Variants in CLEC12A observed in about 807,000 individuals in gnomAD.
CLEC12A encodes the protein C-type lectin domain family 12 member A, also known as C-type lectin protein CLL-1.
Under a neutral mutation model 26.5 loss-of-function variants are expected in CLEC12A, and 22 were observed. The ratio of observed to expected loss-of-function variants is 0.83; its 90% CI spans 0.59 to 1.19. CLEC12A has a LOEUF of 1.19. CLEC12A is among the 50% of genes most tolerant of loss of function. The probability of loss-of-function intolerance (pLI) is 0.00; values close to 1 mark genes in which losing one functional copy is unlikely to be tolerated. For missense variants in CLEC12A, 353 were observed against 315.6 expected (o/e 1.12, Z -0.90); for synonymous variants, 119 against 101.9 (o/e 1.17, Z -1.01).
chr12:9,974,658 T>G (rs1565556073), intron 1 of CLEC12A, among the ~76,000 whole-genome samples: 1 of 152,224 alleles, frequency 6.6e-6, no homozygotes, highest in Non-Finnish European at 1.5e-5. Context: ...AATTGCATTA[T>G]AAATATTAAA....
chr12:9,976,239 C>G (rs1053443549), intron 1 of CLEC12A, among the ~76,000 whole-genome samples: 1 of 152,192 alleles, frequency 6.6e-6, no homozygotes, highest in African/African-American at 2.4e-5. Flanking sequence ...GATCCACTGA[C>G]AGCATGCACT....
intron 1 of CLEC12A, among the ~76,000 whole-genome samples, chr12:9,952,390 C>G (rs1375664194): frequency 9.9e-5 from 15 of 150,792 alleles, no homozygotes; most frequent in East Asian, 4.0e-4. Context: ...TTGGCCGGGC[C>G]GGTCTCCAGC....
chr12:10,006,121 T>C, the CLEC12A span, among the ~76,000 whole-genome samples: 1 of 152,272 alleles, frequency 6.6e-6, no homozygotes, highest in Non-Finnish European at 1.5e-5. Context: ...CAAGTTTAAT[T>C]CATGTGAGAG....
chr12:9,953,138 G>GA (rs1362300498), intron 1 of CLEC12A: 1 of 131,610 alleles, frequency 7.6e-6, no homozygotes, highest in Non-Finnish European at 1.6e-5. Context: ...GGAGGTGGGG[G>GA]GTCAGCCCCC....
rs1194369901 is a variant in CLEC12A, at chr12:9,963,498, G to A, written c.11-8079G>A. On this transcript the variant is annotated intron_variant, in intron 1 of 6. Coordinates refer to the CLEC12A transcript ENST00000355690. ...GAGGCTATGGAAGGTCGTGACAGAG[G>A]TTGAAATGCCTCCTATTCCAGTACC... is the stretch of plus-strand genomic sequence containing the variant. Among the ~76,000 whole-genome samples, 7 of 149,460 alleles carry A rather than the reference G, an allele frequency of 4.7e-5. No individual in the cohort carries two copies. The Admixed American group carries it at 4.7e-4, about 10-fold the overall frequency.
chr12:9,977,000 A>C (rs1447875), intron 1 of CLEC12A, among the ~76,000 whole-genome samples: 12,869 of 152,206 alleles, frequency 0.085, 588 homozygotes, highest in Non-Finnish European at 0.093. Context: ...TGAAACTGTG[A>C]ATCCATTAAA....
At chr12:9,995,781 T>C (rs1865029292), downstream of CLEC12A, 1 of 189,232 alleles carries the variant, frequency 5.3e-6, no homozygotes, top group African/African-American at 2.4e-5. Flanking sequence ...CCTTTCCCTA[T>C]TTACTTTCTT....
At chr12:9,969,270 G>A (rs1232921822), upstream of CLEC12A, among the ~76,000 whole-genome samples, 1 of 152,084 alleles carries the variant, frequency 6.6e-6, no homozygotes, top group African/African-American at 2.4e-5. Context: ...AGAAGGAAAA[G>A]GTAAGTGTTT....
Position 9,957,352 on chromosome 12 carries a change from G to A in CLEC12A, c.10+5996G>A, listed in dbSNP as rs559900310. Among the ~76,000 whole-genome samples, 285 of 152,208 alleles carry A rather than the reference G, an allele frequency of 1.9e-3. 1 individual carries two copies. Among genetic ancestry groups the A allele is most frequent in the African/African-American group, 6.6e-3 (272 of 41,522 alleles). On this transcript the variant is annotated intron_variant, in intron 1 of 6. Coordinates refer to the CLEC12A transcript ENST00000355690. ...AAAATACAAAAATTAGCTGGGTGTGGTGGTGCACGGCTGTAATCCCAGCTA... is the reference window on the plus strand; with the variant it reads ...AAAATACAAAAATTAGCTGGGTGTGATGGTGCACGGCTGTAATCCCAGCTA...
chr12:9,985,357 A>C lies in CLEC12A; in HGVS notation c.*331A>C, dbSNP rs751811427. ...TTCTGGCCAAGATTTGCCAGAGGCA[A>C]CATCAAAAACCAGCAAATTTTAATT... On this transcript the variant is annotated 3_prime_UTR_variant, in exon 6 of 6. Coordinates refer to ENST00000304361, the MANE Select transcript of CLEC12A (RefSeq NM_138337.6). 6.3e-5 allele frequency: 25 copies of C among 398,618 alleles called. No individual in the cohort carries two copies. Among genetic ancestry groups the C allele is most frequent in the Non-Finnish European group, 1.1e-4 (24 of 226,770 alleles). 24.7% of individuals were successfully genotyped at this position (398,618 alleles called of 1,614,324 possible).
At chr12:9,993,406 CAAAAAAAAA>C (rs11412323) in intron 4 of CLEC12A, 3 of 509,768 alleles carry the variant, frequency 5.9e-6, no homozygotes, top group South Asian at 1.9e-5. Flanking sequence ...GAAAAAAAAA[CAAAAAAAAA>C]AACGATTCTC....
chr12:9,970,069 AT>A (rs1864070497), upstream of CLEC12A, among the ~76,000 whole-genome samples: 1 of 152,230 alleles, frequency 6.6e-6, no homozygotes, highest in Admixed American at 6.5e-5. Context: ...TTTCATGGTA[AT>A]ATTTTCAAAT....
upstream of CLEC12A, among the ~76,000 whole-genome samples, chr12:9,967,533 G>A (rs1423638925): frequency 6.6e-6 from 1 of 152,106 alleles, no homozygotes; most frequent in Non-Finnish European, 1.5e-5. Context: ...GGAGAAGAAG[G>A]GGGAATGGAG....
At chr12:9,976,318 T>G (rs1864333942) in intron 1 of CLEC12A, among the ~76,000 whole-genome samples, 1 of 152,184 alleles carries the variant, frequency 6.6e-6, no homozygotes, top group African/African-American at 2.4e-5. Flanking sequence ...GACTGTACCT[T>G]GCAAAGCCAC....
chr12:9,980,394 C>T (rs111468383), intron 3 of CLEC12A, among the ~76,000 whole-genome samples, 188 bp from the exon 4 acceptor site: 10,447 of 148,172 alleles, frequency 0.071, 1,209 homozygotes, highest in African/African-American at 0.24. Flanking sequence ...GCTGAGATCA[C>T]GCCACTGCTC....
At chr12:9,979,247 C>A in intron 2 of CLEC12A, 89 bp from the exon 3 acceptor site, 1 of 1,108,238 alleles carries the variant, frequency 9.0e-7, no homozygotes, top group Non-Finnish European at 1.3e-6. Context: ...TTTCCCTACC[C>A]CTTTAATCTT....
intron 1 of CLEC12A, among the ~76,000 whole-genome samples, chr12:9,976,402 A>G (rs1386164969): frequency 6.6e-6 from 1 of 152,208 alleles, no homozygotes; most frequent in African/African-American, 2.4e-5. Flanking sequence ...ATATAGAGCC[A>G]AAGGAGATGA....
At chr12:9,964,446 G>A (rs903505938) in intron 1 of CLEC12A, among the ~76,000 whole-genome samples, 1 of 152,140 alleles carries the variant, frequency 6.6e-6, no homozygotes, top group Admixed American at 6.5e-5. Flanking sequence ...TAGCTGGGGA[G>A]AGGTAGAGGG....
the CLEC12A span, among the ~76,000 whole-genome samples, chr12:10,005,076 A>C: frequency 2.0e-5 from 3 of 152,256 alleles, no homozygotes; most frequent in South Asian, 6.2e-4. Context: ...TGTACTTTCC[A>C]ATTAAAATTA....
Sources: allele counts gnomAD v4.1 joint callset (sites outside exome capture counted in the v4.1 genomes callset), GRCh38; gene constraint gnomAD v4.1.1; transcripts MANE v1.5; gene names NCBI Gene and HGNC (gene_info 2026-07-23, HGNC 2026-07-21).